The following GRIP1 variants were observed in gnomAD, a reference collection of about 807,000 sequenced individuals.
The protein encoded by GRIP1 is glutamate receptor interacting protein 1, also known as glutamate receptor-interacting protein 1.
Under a neutral mutation model 129.9 loss-of-function variants are expected in GRIP1, and 45 were observed. The ratio of observed to expected loss-of-function variants is 0.35; its 90% CI spans 0.27 to 0.44. The LOEUF is 0.44. Ranked by LOEUF, GRIP1 falls within the 20% of genes least tolerant of loss-of-function variation. GRIP1 has a pLI of 1.00. For synonymous variants in GRIP1, 530 were observed against 520.8 expected, an observed-to-expected ratio of 1.02 and a Z score of -0.24; for missense variants, 1,196 against 1,396.8, an observed-to-expected ratio of 0.86 and a Z score of 2.29.
At chr12:66,969,351 T>C (rs1022949211) in intron 1 of GRIP1, among the ~76,000 whole-genome samples, 4 of 152,224 alleles carry the variant, frequency 2.6e-5, no homozygotes, top group African/African-American at 9.6e-5. Flanking sequence ...TACCTGTATA[T>C]GTATGTTTCA....
intron 1 of GRIP1, among the ~76,000 whole-genome samples, chr12:66,953,438 A>G (rs2041791388): frequency 6.6e-6 from 1 of 152,216 alleles, no homozygotes; most frequent in Non-Finnish European, 1.5e-5. Flanking sequence ...CAACCTGTGA[A>G]TTGGGTGGCA....
intron 1 of GRIP1, among the ~76,000 whole-genome samples, chr12:66,986,696 G>A (rs1382457698): frequency 9.8e-6 from 1 of 101,740 alleles, no homozygotes; most frequent in Admixed American, 1.2e-4. Context: ...GGGGAGGGGG[G>A]AGGGATAGCA....
At chr12:66,515,787 G>A (rs2060826608) in intron 6 of GRIP1, 23 bp from the exon 7 acceptor site, 2 of 1,608,766 alleles carry the variant, frequency 1.2e-6, no homozygotes, top group Non-Finnish European at 1.7e-6. Context: ...TAAAGGAATA[G>A]TCTTGATTAA....
intron 1 of GRIP1, among the ~76,000 whole-genome samples, chr12:66,603,252 G>C (rs2064363039): frequency 6.6e-6 from 1 of 151,636 alleles, no homozygotes; most frequent in Admixed American, 6.6e-5. Context: ...TCTTCACAAT[G>C]ATAGAATGTC....
At chr12:66,977,665 T>C (rs1018888979) in intron 1 of GRIP1, among the ~76,000 whole-genome samples, 2 of 152,188 alleles carry the variant, frequency 1.3e-5, no homozygotes, top group African/African-American at 4.8e-5. Flanking sequence ...AAACAATACA[T>C]ACTTTTTTGT....
chr12:66,837,077 C>A (rs1303125076), intron 1 of GRIP1, among the ~76,000 whole-genome samples: 5 of 152,182 alleles, frequency 3.3e-5, no homozygotes, highest in Non-Finnish European at 7.3e-5. Flanking sequence ...TCATCAGGAT[C>A]TGTCATTTCT....
At chr12:66,531,762 A>G (rs77812898) in intron 4 of GRIP1, among the ~76,000 whole-genome samples, 3,608 of 152,252 alleles carry the variant, frequency 0.024, 149 homozygotes, top group African/African-American at 0.082. Context: ...CCATGGCCCA[A>G]CAAGCCACTT....
intron 23 of GRIP1, among the ~76,000 whole-genome samples, chr12:66,369,825 G>A (rs2055383835): frequency 6.6e-6 from 1 of 152,142 alleles, no homozygotes; most frequent in Non-Finnish European, 1.5e-5. Flanking sequence ...ATCACCATTG[G>A]ACTTCTTACA....
chr12:66,837,096 C>T (rs957956604), intron 1 of GRIP1, among the ~76,000 whole-genome samples: 13 of 152,212 alleles, frequency 8.5e-5, no homozygotes, highest in Admixed American at 7.9e-4. Flanking sequence ...CTATTTTTCC[C>T]CTAAACTTAC....
chr12:66,882,307 C>T (rs2040493519), intron 1 of GRIP1, among the ~76,000 whole-genome samples: 1 of 151,786 alleles, frequency 6.6e-6, no homozygotes, highest in African/African-American at 2.4e-5. Flanking sequence ...GGGGACTTTG[C>T]CTAGGAAGCT....
At chr12:66,679,114 C>A (rs2034475651), upstream of GRIP1, 1 of 1,458,640 alleles carries the variant, frequency 6.9e-7, no homozygotes, top group African/African-American at 1.4e-5. Flanking sequence ...ACCACCCCTG[C>A]CTGCCACAGC....
At chr12:67,047,139 A>AAC (rs1305616325) in intron 1 of GRIP1, among the ~76,000 whole-genome samples, 1 of 152,196 alleles carries the variant, frequency 6.6e-6, no homozygotes, top group Admixed American at 6.5e-5. Flanking sequence ...AAGATGTTTT[A>AAC]GAAGCTCAAT....
At chr12:66,393,009 A>G (rs913633923) in intron 17 of GRIP1, among the ~76,000 whole-genome samples, 193 bp from the exon 18 acceptor site, 1 of 152,124 alleles carries the variant, frequency 6.6e-6, no homozygotes, top group African/African-American at 2.4e-5. Flanking sequence ...AGTTTCCAAT[A>G]AAATTTTAAA....
intron 1 of GRIP1, among the ~76,000 whole-genome samples, chr12:66,716,480 CT>C (rs1300567358): frequency 6.7e-6 from 1 of 150,032 alleles, no homozygotes; most frequent in East Asian, 2.0e-4. Context: ...AAAACTGTTA[CT>C]TTAGGTTTCT....
At chr12:66,538,819 T>C (rs1366080443) in intron 4 of GRIP1, among the ~76,000 whole-genome samples, 1 of 151,670 alleles carries the variant, frequency 6.6e-6, no homozygotes, top group Non-Finnish European at 1.5e-5. Context: ...CCCAGGCTGG[T>C]CTCGAACCAC....
chr12:67,027,814 G>A (rs908852537), intron 1 of GRIP1, among the ~76,000 whole-genome samples: 1 of 152,170 alleles, frequency 6.6e-6, no homozygotes, highest in Non-Finnish European at 1.5e-5. Context: ...AGATGGAGGG[G>A]TCCACGTTCT....
At chr12:66,912,011 A>G (rs1185096463) in intron 1 of GRIP1, among the ~76,000 whole-genome samples, 4 of 152,190 alleles carry the variant, frequency 2.6e-5, no homozygotes, top group African/African-American at 4.8e-5. Flanking sequence ...TTAAAATAAA[A>G]TAATATTACC....
intron 1 of GRIP1, among the ~76,000 whole-genome samples, chr12:67,004,737 T>A (rs1446824382): frequency 6.6e-6 from 1 of 152,166 alleles, no homozygotes; most frequent in African/African-American, 2.4e-5. Context: ...CAAAACCCAT[T>A]ACAAATAACT....
intron 2 of GRIP1, among the ~76,000 whole-genome samples, chr12:66,555,879 GA>G (rs2062312950): frequency 6.6e-6 from 1 of 151,244 alleles, no homozygotes; most frequent in Non-Finnish European, 1.5e-5. Flanking sequence ...GGAGACAAAA[GA>G]AAAAAGAATG....
Sources: gnomAD v4.1 joint callset for allele counts (sites outside exome capture counted in the v4.1 genomes callset) on GRCh38, gnomAD v4.1.1 for gene constraint, MANE v1.5 for transcripts, NCBI Gene and HGNC (gene_info 2026-07-23, HGNC 2026-07-21) for gene names.